Variants in DCAF17 observed in about 807,000 individuals in gnomAD.
DCAF17 encodes DDB1 and CUL4 associated factor 17, also known as DDB1- and CUL4-associated factor 17.
Under a neutral mutation model 66.0 loss-of-function variants are expected in DCAF17, and 48 were observed. The observed-to-expected ratio is 0.73, with a 90% CI of 0.58 to 0.92. The LOEUF is 0.92. Among genes scored for constraint, DCAF17 ranks in the 40% least tolerant of loss-of-function variants. The probability of loss-of-function intolerance (pLI) is 0.00; values close to 1 mark genes in which losing one functional copy is unlikely to be tolerated. For missense variants in DCAF17, 562 were observed against 622.8 expected (o/e 0.90, Z 1.04); for synonymous variants, 206 against 214.6 (o/e 0.96, Z 0.35).
intron 2 of DCAF17, among the ~76,000 whole-genome samples, chr2:171,442,528 C>G (rs1694362853): frequency 7.0e-6 from 1 of 143,088 alleles, no homozygotes; most frequent in Non-Finnish European, 1.5e-5. Context: ...GGTGCCATTG[C>G]TCTCCAGCCT....
At position 171,481,994 on chromosome 2, in the gene DCAF17, C is replaced by A; in HGVS notation, c.*880C>A. On this transcript the variant is annotated 3_prime_UTR_variant, in exon 14 of 14. Coordinates refer to ENST00000375255, the MANE Select transcript of DCAF17 (RefSeq NM_025000.4). The stretch of plus-strand genomic sequence containing the variant: ...TCCTGTAGAAAAGTGGATAAAGAGT[C>A]CCAGAAGAAGTTCTTACTAGCTTGG... The A allele has an allele frequency of 2.2e-6, 1 of 454,014 alleles. No homozygotes were observed. The highest frequency in any genetic ancestry group is 1.6e-5 in the South Asian group (1 of 64,464). The allele number at this position is 454,014 out of a possible 1,614,324, so 28.1% of individuals were successfully genotyped here. A position where few individuals can be genotyped will look rare whatever the true frequency, so the allele number is the denominator to read the frequency against.
intron 12 of DCAF17, chr2:171,479,728 A>G (rs1696654181): frequency 3.0e-6 from 1 of 338,244 alleles, no homozygotes; most frequent in Admixed American, 4.6e-5. Flanking sequence ...GCAGTTGAAT[A>G]CTCTTTTAAA....
intron 3 of DCAF17, 24 bp downstream of exon 3, chr2:171,443,637 TG>T: frequency 6.3e-7 from 1 of 1,589,934 alleles, no homozygotes. Flanking sequence ...TTAGAGCGTT[TG>T]TTTCTAAAGC....
At chr2:171,470,281 C>G (rs762028964) in intron 9 of DCAF17, among the ~76,000 whole-genome samples, 2 of 152,130 alleles carry the variant, frequency 1.3e-5, no homozygotes, top group Non-Finnish European at 2.9e-5. Flanking sequence ...CTTGATATAT[C>G]AGAAGAATTT....
rs1559295858 is a variant in DCAF17, at chr2:171,481,380, G to C, written c.*266G>C. 1 of 534,758 alleles carries C rather than the reference G, an allele frequency of 1.9e-6. No individual in the cohort carries two copies. The highest frequency in any genetic ancestry group is 3.6e-6 in the Non-Finnish European group (1 of 280,502). 33.1% of individuals were successfully genotyped at this position (534,758 alleles called of 1,614,324 possible). On this transcript the variant is annotated 3_prime_UTR_variant, in exon 14 of 14. Coordinates refer to ENST00000375255, the MANE Select transcript of DCAF17 (RefSeq NM_025000.4). ...CTAGGTGGTAATGCAAATATAAAAT[G>C]CTGGGAACAGAAAAGGACAGGTTAA...
chr2:171,484,476 G>A lies in DCAF17; in HGVS notation c.*3362G>A, dbSNP rs544468117. 79 of 443,680 alleles carry A rather than the reference G, an allele frequency of 1.8e-4. No individual in the cohort carries two copies. The highest frequency in any genetic ancestry group is 2.6e-4 in the Non-Finnish European group (57 of 223,382). 27.5% of individuals were successfully genotyped at this position (443,680 alleles called of 1,614,324 possible). A position where few individuals can be genotyped will look rare whatever the true frequency, so the allele number is the denominator to read the frequency against. On this transcript the variant is annotated 3_prime_UTR_variant, in exon 14 of 14. Transcript: ENST00000375255. Reference sequence around the variant, plus strand: ...ACTTGTTTTATTATTTTCCTATCCAGCGTACTTTTTGATGGATTTCAAAAT... The same window carrying A: ...ACTTGTTTTATTATTTTCCTATCCAACGTACTTTTTGATGGATTTCAAAAT...
At chr2:171,474,888 T>A (rs1205899036) in intron 10 of DCAF17, among the ~76,000 whole-genome samples, 1 of 152,236 alleles carries the variant, frequency 6.6e-6, no homozygotes, top group East Asian at 1.9e-4. Context: ...TAGCCAAGGC[T>A]ACAGTAATAG....
rs1574398684 is a variant in DCAF17 at position 171,473,937 on chromosome 2, T to G, written c.1053T>G (p.Ala351=). Residue 351 remains alanine (A), a synonymous_variant, in exon 10 of 14, where the codon GCT becomes GCG. Transcript: ENST00000375255. Reference sequence around the variant, plus strand: ...ACTGGATCTATTTCCATCCTGATGCTTCTGGTAGAATAATACATGTTGGTC... The same window carrying G: ...ACTGGATCTATTTCCATCCTGATGCGTCTGGTAGAATAATACATGTTGGTC... The part of the protein sequence containing the change: ...ESDWIYFHPD[A]SGRIIHVGPN... The G allele has an allele frequency of 1.2e-6, 2 of 1,613,720 alleles. No homozygotes were observed. The highest frequency in any genetic ancestry group is 8.5e-7 in the Non-Finnish European group (1 of 1,179,848).
At chr2:171,438,752 C>G (rs761537068) in intron 2 of DCAF17, among the ~76,000 whole-genome samples, 1 of 151,808 alleles carries the variant, frequency 6.6e-6, no homozygotes, top group Non-Finnish European at 1.5e-5. Context: ...TTTTTCCCCC[C>G]CAAAGTCAGG....
chr2:171,438,258 G>A (rs1344829927), intron 2 of DCAF17, among the ~76,000 whole-genome samples: 2 of 152,168 alleles, frequency 1.3e-5, no homozygotes, highest in Admixed American at 6.6e-5. Context: ...ATTTGTTAAG[G>A]TGTCTTTTAT....
At chr2:171,444,890 T>C (rs1574330830) in intron 3 of DCAF17, among the ~76,000 whole-genome samples, 3 of 152,338 alleles carry the variant, frequency 2.0e-5, no homozygotes, top group Admixed American at 2.0e-4. Flanking sequence ...TTTCTCTGAA[T>C]ACTTATTGTC....
chr2:171,439,639 G>A (rs1694187776), intron 2 of DCAF17, among the ~76,000 whole-genome samples: 1 of 151,116 alleles, frequency 6.6e-6, no homozygotes. Flanking sequence ...TTAGAAATGA[G>A]GTCTTGTGAC....
At chr2:171,439,576 G>T (rs183045010) in intron 2 of DCAF17, among the ~76,000 whole-genome samples, 1 of 135,328 alleles carries the variant, frequency 7.4e-6, no homozygotes, top group East Asian at 2.2e-4. Flanking sequence ...TTCTTGCATG[G>T]TGTCCACTTT....
In DCAF17 at chr2:171,481,139, A is replaced by G. The variant is rs1231169813; in HGVS notation, c.*25A>G. 6.2e-7 allele frequency: 1 copy of G among 1,613,008 alleles called. No homozygotes were observed. ...AAAAGAGTGAGATAATTGTAACCTA[A>G]GAGACTTTTAGCCAAACACCCCAGC... is the stretch of plus-strand genomic sequence containing the variant. On this transcript the variant is annotated 3_prime_UTR_variant, in exon 14 of 14. Coordinates refer to ENST00000375255, the MANE Select transcript of DCAF17 (RefSeq NM_025000.4).
chr2:171,458,135 T>TA, intron 7 of DCAF17, 60 bp downstream of exon 7: 2 of 558,606 alleles, frequency 3.6e-6, no homozygotes, highest in Non-Finnish European at 4.9e-6. Context: ...TAAAGTATGA[T>TA]TTTTTTTTTT....
intron 7 of DCAF17, 87 bp from the exon 8 acceptor site, chr2:171,458,285 A>G (rs535322644): frequency 8.7e-5 from 105 of 1,202,734 alleles, no homozygotes; most frequent in South Asian, 7.7e-4. Context: ...TTTCTTTGTC[A>G]TATACATGTG....
At chr2:171,450,123 A>T (rs1163627962) in intron 5 of DCAF17, 166 bp downstream of exon 5, 2 of 582,668 alleles carry the variant, frequency 3.4e-6, no homozygotes, top group Non-Finnish European at 6.2e-6. Context: ...TAAGTGAAGT[A>T]ACTAAGAAAT....
At chr2:171,442,482 T>C (rs1196558691) in intron 2 of DCAF17, among the ~76,000 whole-genome samples, 1 of 149,898 alleles carries the variant, frequency 6.7e-6, no homozygotes, top group Non-Finnish European at 1.5e-5. Flanking sequence ...GAGAATCGCT[T>C]GAACCTGGGA....
chr2:171,434,786 G>A, intron 1 of DCAF17, 83 bp downstream of exon 1: 6 of 1,388,026 alleles, frequency 4.3e-6, no homozygotes, highest in Non-Finnish European at 5.5e-6. Context: ...GTTTTAACGC[G>A]CTGGGGCCTC....
Sources: allele counts gnomAD v4.1 joint callset (sites outside exome capture counted in the v4.1 genomes callset), GRCh38; gene constraint gnomAD v4.1.1; transcripts MANE v1.5; gene names NCBI Gene and HGNC (gene_info 2026-07-23, HGNC 2026-07-21).